The following PCDHGB7 variants were observed in gnomAD, a reference collection of about 807,000 sequenced individuals.
PCDHGB7 encodes the protein protocadherin gamma subfamily B, 7, also known as protocadherin gamma-B7.
In PCDHGB7, 37 loss-of-function variants were observed where a neutral mutation model predicts 61.4. That is an observed-to-expected ratio of 0.60 (90% CI 0.46 to 0.79). PCDHGB7 has a LOEUF of 0.79. Among genes scored for constraint, PCDHGB7 ranks in the 30% least tolerant of loss-of-function variants. PCDHGB7 has a pLI of 0.00. For missense variants in PCDHGB7, 1,166 were observed against 1,202.5 expected (o/e 0.97, Z 0.45); for synonymous variants, 464 against 503.5 (o/e 0.92, Z 1.05).
chr5:141,463,424 CT>C (rs2099058999), intron 1 of PCDHGB7, among the ~76,000 whole-genome samples: 1 of 148,698 alleles, frequency 6.7e-6, no homozygotes, highest in Non-Finnish European at 1.5e-5. Flanking sequence ...TTTGCGGATC[CT>C]CATTTCCTTC....
Position 141,487,424 on chromosome 5 carries a change from C to T in PCDHGB7, c.2416-7383C>T, listed in dbSNP as rs759893122. 5 of 1,613,982 alleles carry T rather than the reference C, an allele frequency of 3.1e-6. No individual in the cohort carries two copies. The highest frequency in any genetic ancestry group is 1.7e-5 in the Admixed American group (1 of 60,000). On this transcript the variant is annotated intron_variant, in intron 1 of 3. Transcript: ENST00000398594. The surrounding 1 kb of genome is among the most constrained non-coding windows in gnomAD (Gnocchi z 5.0). ...GCTTCCCCCTTCCAATGGGATCCTC[C>T]GAATCCAGCTAGGGTCAGATGACCC...
At chr5:141,495,571 C>T (rs1031548699) in intron 2 of PCDHGB7, among the ~76,000 whole-genome samples, 1 of 152,198 alleles carries the variant, frequency 6.6e-6, no homozygotes, top group African/African-American at 2.4e-5. Flanking sequence ...TCTGCCTCTC[C>T]CTCTCTTCTC....
In PCDHGB7 at chr5:141,476,240, G is replaced by A. The variant is rs762604058; in HGVS notation, c.2416-18567G>A. On this transcript the variant is annotated intron_variant, in intron 1 of 3. Coordinates refer to ENST00000398594, the MANE Select transcript of PCDHGB7 (RefSeq NM_018927.4). This position sits in a 1 kb window ranked among gnomAD's most constrained non-coding sequence, Gnocchi z 7.6. ...TCACTATGAGATCCCGGAGGAAAGAGAGAAGGGTTTCGCTGTGGGCAACGT... is the reference window on the plus strand; with the variant it reads ...TCACTATGAGATCCCGGAGGAAAGAAAGAAGGGTTTCGCTGTGGGCAACGT... The A allele has an allele frequency of 4.3e-6, 7 of 1,613,986 alleles. No individual in the cohort carries two copies. The highest frequency in any genetic ancestry group is 1.7e-6 in the Non-Finnish European group (2 of 1,180,030).
intron 1 of PCDHGB7, chr5:141,421,914 T>C: frequency 4.3e-6 from 7 of 1,613,742 alleles, no homozygotes; most frequent in Non-Finnish European, 5.9e-6. Flanking sequence ...CAGTTCCCAT[T>C]CGTGTGGTGG....
chr5:141,472,602 T>A (rs1032061805), intron 1 of PCDHGB7, among the ~76,000 whole-genome samples: 1 of 152,026 alleles, frequency 6.6e-6, no homozygotes, highest in South Asian at 2.1e-4. Context: ...CTTGAAATTA[T>A]AAAACAAAGA....
intron 1 of PCDHGB7, among the ~76,000 whole-genome samples, chr5:141,446,621 C>G (rs1284919173): frequency 6.6e-6 from 1 of 152,094 alleles, no homozygotes; most frequent in African/African-American, 2.4e-5. Context: ...GGACTACAGG[C>G]GTGCACCACC....
At chr5:141,421,444 A>T in intron 1 of PCDHGB7, 1 of 1,614,020 alleles carries the variant, frequency 6.2e-7, no homozygotes, top group Non-Finnish European at 8.5e-7. Flanking sequence ...CAGAGGGAAG[A>T]CACAGCTTTT....
intron 1 of PCDHGB7, among the ~76,000 whole-genome samples, chr5:141,429,780 A>G (rs1301908729): frequency 1.3e-5 from 2 of 152,222 alleles, no homozygotes; most frequent in Non-Finnish European, 2.9e-5. Flanking sequence ...ATGGGCTTCC[A>G]AAAGTATTAC....
chr5:141,495,221 G>A lies in PCDHGB7; in HGVS notation c.2474+356G>A, dbSNP rs376660961. On this transcript the variant is annotated intron_variant, in intron 2 of 3. Coordinates refer to ENST00000398594, the MANE Select transcript of PCDHGB7 (RefSeq NM_018927.4). ...ACTGCCTAACCCCCTCCCCTGAGTT[G>A]AGCTGGGCTCCATTATGACCTGGGG... Among the ~76,000 whole-genome samples, 26 of 152,300 alleles carry A rather than the reference G, an allele frequency of 1.7e-4. 1 individual carries two copies. The East Asian group carries it at 4.4e-3, about 26-fold the overall frequency.
At chr5:141,435,004 A>G (rs1481428383) in intron 1 of PCDHGB7, among the ~76,000 whole-genome samples, 1 of 152,096 alleles carries the variant, frequency 6.6e-6, no homozygotes, top group Non-Finnish European at 1.5e-5. Flanking sequence ...AGCTGAATTT[A>G]TCAATGATAA....
rs2099749948 is a variant in PCDHGB7 at position 141,493,762 on chromosome 5, C to T, written c.2416-1045C>T. Among the ~76,000 whole-genome samples the T allele has an allele frequency of 1.3e-5, 2 of 152,130 alleles. No homozygotes were observed. Among genetic ancestry groups the T allele is most frequent in the South Asian group, 4.1e-4 (2 of 4,830 alleles). Reference sequence around the variant, plus strand: ...TGCCACCTGTGAGCCTTGAGTGAGCCACTGGCAGTTCCGGAGCTTCCTTCT... The same window carrying T: ...TGCCACCTGTGAGCCTTGAGTGAGCTACTGGCAGTTCCGGAGCTTCCTTCT... On this transcript the variant is annotated intron_variant, in intron 1 of 3. Transcript: ENST00000398594. The surrounding 1 kb of genome is among the most constrained non-coding windows in gnomAD (Gnocchi z 4.3).
rs185280755 is a variant in PCDHGB7 at position 141,476,824 on chromosome 5, C to T, written c.2416-17983C>T. Reference sequence around the variant, plus strand: ...TGCCTATTCACATCAAGGTGCTGGACGCGAATGACAATGCGCCTGTCTTCA... The same window carrying T: ...TGCCTATTCACATCAAGGTGCTGGATGCGAATGACAATGCGCCTGTCTTCA... On this transcript the variant is annotated intron_variant, in intron 1 of 3. Transcript: ENST00000398594. This position sits in a 1 kb window ranked among gnomAD's most constrained non-coding sequence, Gnocchi z 7.6. 24 of 1,613,588 alleles carry T rather than the reference C, an allele frequency of 1.5e-5. No homozygotes were observed. The East Asian group carries it at 4.5e-4, about 30-fold the overall frequency.
intron 1 of PCDHGB7, chr5:141,441,799 G>C (rs546770596): frequency 2.6e-6 from 1 of 385,350 alleles, no homozygotes; most frequent in Non-Finnish European, 5.2e-6. Context: ...AACGCACCGC[G>C]GGTGCTGTAC....
chr5:141,422,410 T>C, intron 1 of PCDHGB7: 1 of 1,601,816 alleles, frequency 6.2e-7, no homozygotes, highest in Non-Finnish European at 8.5e-7. Context: ...GCCTTTTAAA[T>C]TAGAAAAGAC....
rs2096284996 is a variant in PCDHGB7 at position 141,418,752 on chromosome 5, C to T, written c.893C>T (p.Thr298Ile). 1 of 1,613,874 alleles carries T rather than the reference C, an allele frequency of 6.2e-7. No homozygotes were observed. Among genetic ancestry groups the T allele is most frequent in the African/African-American group, 1.3e-5 (1 of 75,042 alleles). Residue 298 changes from threonine (T) to isoleucine (I), a missense_variant, in exon 1 of 4, where the codon ACA (threonine) becomes ATA (isoleucine). Transcript: ENST00000398594. ...AQHVFSLDYT[T>I]GNILTQQPLD... is the part of the protein sequence containing the mutation. Reference sequence around the variant, plus strand: ...CACGTGTTCTCTCTGGATTACACTACAGGAAACATTCTAACTCAGCAGCCT... The same window carrying T: ...CACGTGTTCTCTCTGGATTACACTATAGGAAACATTCTAACTCAGCAGCCT...
At chr5:141,422,618 A>G in intron 1 of PCDHGB7, 3 of 1,613,682 alleles carry the variant, frequency 1.9e-6, no homozygotes, top group Non-Finnish European at 2.5e-6. Flanking sequence ...TACATTCCCG[A>G]AAACAACCCC....
At position 141,459,716 on chromosome 5, in the gene PCDHGB7, C is replaced by T. The variant is rs1592633942; in HGVS notation, c.2416-35091C>T. On this transcript the variant is annotated intron_variant, in intron 1 of 3. Coordinates refer to ENST00000398594, the MANE Select transcript of PCDHGB7 (RefSeq NM_018927.4). ...CGCTTGCTACATTTTCTCACCAATG[C>T]TTCCTATTGTCAATTTTTTAAATTT... is the stretch of plus-strand genomic sequence containing the variant. Among the ~76,000 whole-genome samples the T allele has an allele frequency of 2.0e-5, 3 of 152,334 alleles. No homozygotes were observed. In the South Asian group the frequency reaches 6.2e-4, roughly 32 times the overall value.
At chr5:141,455,185 T>C (rs1334330699) in intron 1 of PCDHGB7, among the ~76,000 whole-genome samples, 1 of 152,064 alleles carries the variant, frequency 6.6e-6, no homozygotes, top group Admixed American at 6.6e-5. Flanking sequence ...TTTTTATTTC[T>C]CTACAAATTT....
Position 141,419,088 on chromosome 5 carries a change from T to C in PCDHGB7, c.1229T>C (p.Leu410Pro). 1.9e-6 allele frequency: 3 copies of C among 1,613,940 alleles called. No homozygotes were observed. The highest frequency in any genetic ancestry group is 2.5e-6 in the Non-Finnish European group (3 of 1,179,886). ...TACAAGCTAGTAACAGATGAGGCCC[T>C]GGATCGGGAGCAGACCCCAGAGTAC... ...NYYKLVTDEALDREQTPEYNV... is the reference protein window; with the variant it reads ...NYYKLVTDEAPDREQTPEYNV... The change falls in exon 1 of 4, where the codon CTG (leucine) becomes CCG (proline). Residue 410 changes from leucine (L) to proline (P), a missense_variant. Physicochemically the swap from Leu to Pro is moderately conservative, Grantham distance 98. Coordinates refer to ENST00000398594, the MANE Select transcript of PCDHGB7 (RefSeq NM_018927.4).
Sources: allele counts gnomAD v4.1 joint callset (sites outside exome capture counted in the v4.1 genomes callset), GRCh38; gene constraint gnomAD v4.1.1; non-coding constraint Gnocchi (gnomAD v3.1); transcripts MANE v1.5; gene names NCBI Gene and HGNC (gene_info 2026-07-23, HGNC 2026-07-21).